UGT2A1: variants seen among roughly 807,000 people sequenced by gnomAD.
UGT2A1 encodes the protein UDP-glucuronosyltransferase 2A1.
Under a neutral mutation model 45.4 loss-of-function variants are expected in UGT2A1, and 61 were observed. That is an observed-to-expected ratio of 1.34 (90% CI 1.09 to 1.66). The LOEUF (loss-of-function observed/expected upper bound fraction) is 1.66. Among genes scored for constraint, UGT2A1 ranks in the 40% most tolerant of loss-of-function variants. The pLI, the probability that UGT2A1 is intolerant of heterozygous loss-of-function variation, is 0.00. For synonymous variants in UGT2A1, 229 were observed against 196.2 expected, an observed-to-expected ratio of 1.17 and a Z score of -1.40; for missense variants, 649 against 574.3, an observed-to-expected ratio of 1.13 and a Z score of -1.33.
chr4:69,632,535 C>T (rs1721443187), intron 3 of UGT2A1, among the ~76,000 whole-genome samples: 1 of 152,038 alleles, frequency 6.6e-6, no homozygotes, highest in South Asian at 2.1e-4. Context: ...AGGAGGGTGG[C>T]AAACTTCTTA....
At chr4:69,601,711 C>T (rs1479124431) in intron 3 of UGT2A1, among the ~76,000 whole-genome samples, 2 of 151,552 alleles carry the variant, frequency 1.3e-5, no homozygotes, top group Non-Finnish European at 2.9e-5. Flanking sequence ...TATGTAACTC[C>T]CCTGCCACCC....
intron 6 of UGT2A1, among the ~76,000 whole-genome samples, 178 bp from the exon 7 acceptor site, chr4:69,589,829 A>G (rs1462468847): frequency 6.6e-6 from 1 of 152,226 alleles, no homozygotes; most frequent in Non-Finnish European, 1.5e-5. Context: ...AAAGGAAGAT[A>G]TGGATGAAAT....
chr4:69,591,507 T>C (rs899416364), intron 6 of UGT2A1, among the ~76,000 whole-genome samples: 2 of 152,122 alleles, frequency 1.3e-5, no homozygotes, highest in Non-Finnish European at 2.9e-5. Flanking sequence ...AGCCTTCAGG[T>C]AGTAGGCTTC....
Position 69,618,915 on chromosome 4 carries a change from T to A in UGT2A1, c.847+16776A>T, listed in dbSNP as rs80356027. Among the ~76,000 whole-genome samples, 175 of 151,972 alleles carry A rather than the reference T, an allele frequency of 1.2e-3. 2 individuals are homozygous for A. In the East Asian group the frequency reaches 0.032, roughly 28 times the overall value. Reference sequence around the variant, plus strand: ...CTCAACATTGAAAGGTTAGAAGAAATTTTTTAAAAACTCAGGATCAAGACA... The same window carrying A: ...CTCAACATTGAAAGGTTAGAAGAAAATTTTTAAAAACTCAGGATCAAGACA... On this transcript the variant is annotated intron_variant, in intron 3 of 6. Coordinates refer to ENST00000286604, the MANE Select transcript of UGT2A1 (RefSeq NM_001252275.3).
chr4:69,632,513 C>T (rs1275733408), intron 3 of UGT2A1, among the ~76,000 whole-genome samples: 2 of 151,988 alleles, frequency 1.3e-5, no homozygotes, highest in Non-Finnish European at 2.9e-5. Flanking sequence ...CTATTTATGA[C>T]CAACTAAAAA....
rs556762743 is a variant in UGT2A1 at position 69,599,270 on chromosome 4, G to T, written c.972C>A (p.Cys324Ter). ...CCTTAGGTAAAGGTTTGGCAGGTTT[G>T]CAGTGCAATCCTCCAACAAACTCAA... The part of the protein sequence containing the change: ...PNFEFVGGLH[C>*]KPAKPLPKVL... Residue 324 changes from cysteine to a stop codon, truncating the protein, a stop_gained, in exon 4 of 7, where the codon TGC (cysteine) becomes TGA (stop). Transcript: ENST00000286604. LOFTEE classifies it high-confidence loss of function. 9 of 1,613,658 alleles carry T rather than the reference G, an allele frequency of 5.6e-6. No homozygotes were observed. The highest frequency in any genetic ancestry group is 1.3e-5 in the African/African-American group (1 of 75,030).
At chr4:69,617,503 C>T (rs1464477304) in intron 3 of UGT2A1, among the ~76,000 whole-genome samples, 1 of 151,830 alleles carries the variant, frequency 6.6e-6, no homozygotes, top group Non-Finnish European at 1.5e-5. Flanking sequence ...AAGATGAACA[C>T]ACACAACATA....
intron 3 of UGT2A1, among the ~76,000 whole-genome samples, chr4:69,634,474 A>G (rs551478234): frequency 6.6e-6 from 1 of 152,184 alleles, no homozygotes; most frequent in South Asian, 2.1e-4. Context: ...AAAAGAAACT[A>G]TAGTTGAAAT....
At chr4:69,613,202 T>C (rs1038588066) in intron 3 of UGT2A1, among the ~76,000 whole-genome samples, 3 of 151,858 alleles carry the variant, frequency 2.0e-5, no homozygotes, top group East Asian at 3.9e-4. Context: ...TATAGACATA[T>C]AACAGACATA....
At chr4:69,601,391 C>T (rs1036160) in intron 3 of UGT2A1, among the ~76,000 whole-genome samples, 29,591 of 151,996 alleles carry the variant, frequency 0.19, 3,529 homozygotes, top group East Asian at 0.56. Flanking sequence ...CCCCGCCCCC[C>T]GGAGTACTAC....
chr4:69,595,184 C>A lies in UGT2A1; in HGVS notation c.1062G>T (p.Trp354Cys), dbSNP rs775235357. Reference sequence around the variant, plus strand: ...TACCAAGAAGATCATTCTGGGGTATCCAATCAAAGAGCTGAGTATTGTTTC... The same window carrying A: ...TACCAAGAAGATCATTCTGGGGTATACAATCAAAGAGCTGAGTATTGTTTC... ...TLGNNTQLFD[W>C]IPQNDLLGHP... The change falls in exon 5 of 7, where the codon TGG (tryptophan) becomes TGT (cysteine). Residue 354 changes from tryptophan (W) to cysteine (C), a missense_variant. Physicochemically the swap from Trp to Cys is radical, Grantham distance 215 (BLOSUM62 -2). Coordinates refer to ENST00000286604, the MANE Select transcript of UGT2A1 (RefSeq NM_001252275.3). 6 of 1,613,794 alleles carry A rather than the reference C, an allele frequency of 3.7e-6. No homozygotes were observed. Among genetic ancestry groups the A allele is most frequent in the Non-Finnish European group, 5.1e-6 (6 of 1,179,862 alleles).
rs1157878205 is a variant in UGT2A1, at chr4:69,624,753, T to G, written c.847+10938A>C. 2.0e-5 allele frequency among the ~76,000 whole-genome samples: 3 copies of G among 151,450 alleles called. No individual in the cohort carries two copies. In the Admixed American group the frequency reaches 2.0e-4, roughly 10 times the overall value. ...TGTTATTGTTGCCATACAGTTTACT[T>G]CTATGTATTACAACTTCACAATACA... On this transcript the variant is annotated intron_variant, in intron 3 of 6. Transcript: ENST00000286604.
chr4:69,630,017 G>A (rs1721297413), intron 3 of UGT2A1, among the ~76,000 whole-genome samples: 1 of 151,830 alleles, frequency 6.6e-6, no homozygotes, highest in Non-Finnish European at 1.5e-5. Flanking sequence ...AATACCACAT[G>A]AAAAATAATT....
At chr4:69,646,867 A>G (rs1434356127) in intron 2 of UGT2A1, 63 bp downstream of exon 2, 2 of 1,156,430 alleles carry the variant, frequency 1.7e-6, no homozygotes, top group East Asian at 4.8e-5. Context: ...GGAAATAAAG[A>G]AGAGGCTCTA....
In UGT2A1 at chr4:69,594,806, G is replaced by A. The variant is rs966307867; in HGVS notation, c.1085-110C>T. 32 of 1,320,886 alleles carry A rather than the reference G, an allele frequency of 2.4e-5. No individual in the cohort carries two copies. The East Asian group carries it at 6.8e-4, about 28-fold the overall frequency. The allele number at this position is 1,320,886 out of a possible 1,614,324, so 81.8% of individuals were successfully genotyped here. ...AATGTAACTCTCTAAAGAAGGATAC[G>A]TTTTCTACAAAAGCAGATCACATAG... On this transcript the variant is annotated intron_variant, in intron 5 of 6. Coordinates refer to ENST00000286604, the MANE Select transcript of UGT2A1 (RefSeq NM_001252275.3).
chr4:69,594,655 T>C lies in UGT2A1; in HGVS notation c.1126A>G (p.Asn376Asp). 1 of 1,614,074 alleles carries C rather than the reference T, an allele frequency of 6.2e-7. No homozygotes were observed. Among genetic ancestry groups the C allele is most frequent in the South Asian group, 1.1e-5 (1 of 91,082 alleles). Residue 376 changes from asparagine (N) to aspartate (D), a missense_variant, in exon 6 of 7, where the codon AAT becomes GAT. Asn to Asp is a conservative substitution (Grantham distance 23). Coordinates refer to ENST00000286604, the MANE Select transcript of UGT2A1 (RefSeq NM_001252275.3). ...TKAFITHGGTNGIYEAIYHGV... is the reference protein window; with the variant it reads ...TKAFITHGGTDGIYEAIYHGV... ...TGGTAAATAGCTTCGTAGATCCCAT[T>C]AGTTCCACCATGAGTGATAAAAGCT...
At chr4:69,596,773 T>C (rs968745507) in intron 4 of UGT2A1, among the ~76,000 whole-genome samples, 12 of 152,160 alleles carry the variant, frequency 7.9e-5, no homozygotes, top group African/African-American at 2.9e-4. Context: ...CCACCTGCCT[T>C]GGTCTCCCAA....
At chr4:69,631,287 T>A (rs1440601104) in intron 3 of UGT2A1, among the ~76,000 whole-genome samples, 1 of 145,826 alleles carries the variant, frequency 6.9e-6, no homozygotes. Flanking sequence ...TTCAAAATGA[T>A]GTTTGTCAAA....
intron 3 of UGT2A1, among the ~76,000 whole-genome samples, chr4:69,624,510 T>C (rs1176547141): frequency 1.3e-5 from 2 of 151,556 alleles, no homozygotes; most frequent in East Asian, 1.9e-4. Flanking sequence ...GCTACTTTTT[T>C]TAAGTTACCT....
Sources: allele counts gnomAD v4.1 joint callset (sites outside exome capture counted in the v4.1 genomes callset), GRCh38; gene constraint gnomAD v4.1.1; transcripts MANE v1.5; gene names NCBI Gene and HGNC (gene_info 2026-07-23, HGNC 2026-07-21).